Variants in CDIN1 observed in about 807,000 individuals in gnomAD.
CDIN1 encodes CDAN1 interacting nuclease 1, also known as CDAN1-interacting nuclease 1.
In CDIN1, 33 loss-of-function variants were observed where a neutral mutation model predicts 45.3. That is an observed-to-expected ratio of 0.73 (90% confidence interval 0.55 to 0.97). The LOEUF is 0.97. Ranked by LOEUF, CDIN1 falls within the 50% of genes least tolerant of loss-of-function variation. The pLI is 0.00. For missense variants in CDIN1, 303 were observed against 339.4 expected, an observed-to-expected ratio of 0.89 and a Z score of 0.84; for synonymous variants, 118 against 124.4, an observed-to-expected ratio of 0.95 and a Z score of 0.34.
intron 1 of CDIN1, among the ~76,000 whole-genome samples, chr15:36,600,981 A>T (rs191366724): frequency 7.8e-4 from 119 of 152,256 alleles, no homozygotes; most frequent in Non-Finnish European, 1.3e-4. Flanking sequence ...AGTGAGAGTA[A>T]ATTTGTTTCA....
chr15:36,669,554 A>C (rs138270031), intron 5 of CDIN1, among the ~76,000 whole-genome samples: 2 of 103,550 alleles, frequency 1.9e-5, no homozygotes, highest in Non-Finnish European at 4.2e-5. Context: ...ACTGTGATAC[A>C]TTTGTCAACA....
chr15:36,693,160 TTA>T (rs2042311358), intron 7 of CDIN1, among the ~76,000 whole-genome samples: 1 of 152,182 alleles, frequency 6.6e-6, no homozygotes, highest in Non-Finnish European at 1.5e-5. Context: ...TCACAAAGGC[TTA>T]GAGTCGTAAC....
chr15:36,626,244 G>A (rs1275659278), intron 1 of CDIN1, among the ~76,000 whole-genome samples: 1 of 151,258 alleles, frequency 6.6e-6, no homozygotes, highest in Non-Finnish European at 1.5e-5. Flanking sequence ...AATCAGGGAA[G>A]GCCTTATATA....
At chr15:36,659,966 CTT>C (rs778988517) in intron 5 of CDIN1, among the ~76,000 whole-genome samples, 1 of 105,150 alleles carries the variant, frequency 9.5e-6, no homozygotes, top group Non-Finnish European at 1.8e-5. Context: ...CCTTCCTTTT[CTT>C]TTTTTTTTTT....
intron 1 of CDIN1, among the ~76,000 whole-genome samples, chr15:36,609,454 T>C (rs2038542857): frequency 6.6e-6 from 1 of 152,142 alleles, no homozygotes; most frequent in Admixed American, 6.5e-5. Flanking sequence ...CAGGGATCTA[T>C]CAACTTAAAA....
chr15:36,676,615 A>T (rs188138400), intron 5 of CDIN1, among the ~76,000 whole-genome samples: 10 of 152,256 alleles, frequency 6.6e-5, no homozygotes, highest in African/African-American at 2.4e-4. Context: ...AGACTATAAG[A>T]CATTTGATCT....
chr15:36,767,015 C>T (rs2053943212), intron 10 of CDIN1, among the ~76,000 whole-genome samples: 3 of 152,022 alleles, frequency 2.0e-5, no homozygotes, highest in Non-Finnish European at 4.4e-5. Context: ...ATTGTCAAGA[C>T]CAAAGTCAGG....
intron 1 of CDIN1, among the ~76,000 whole-genome samples, chr15:36,640,316 T>G (rs2040057337): frequency 6.6e-6 from 1 of 152,140 alleles, no homozygotes; most frequent in African/African-American, 2.4e-5. Context: ...TGACCAGCAC[T>G]CTGAATCATT....
At chr15:36,691,877 G>A (rs2042264904) in intron 6 of CDIN1, 113 bp downstream of exon 6, 1 of 900,678 alleles carries the variant, frequency 1.1e-6, no homozygotes, top group Admixed American at 2.3e-5. Context: ...TGAGGTCAGG[G>A]TGCACCATAA....
intron 10 of CDIN1, among the ~76,000 whole-genome samples, chr15:36,715,996 C>T (rs1208484546): frequency 2.6e-5 from 4 of 152,116 alleles, no homozygotes; most frequent in Admixed American, 2.0e-4. Flanking sequence ...TTTAACAAAA[C>T]TGAGCAAAGT....
intron 10 of CDIN1, among the ~76,000 whole-genome samples, chr15:36,710,963 T>C (rs889182202): frequency 1.3e-5 from 2 of 152,200 alleles, no homozygotes; most frequent in African/African-American, 2.4e-5. Context: ...CATGACAAAA[T>C]GCTGAATGTA....
At position 36,657,788 on chromosome 15, in the gene CDIN1, T is replaced by C. The variant is rs867928419; in HGVS notation, c.274-45T>C. 12 of 1,489,190 alleles carry C rather than the reference T, an allele frequency of 8.1e-6. No homozygotes were observed. In the Middle Eastern group the frequency reaches 1.2e-3, roughly 148 times the overall value. 92.2% of individuals were successfully genotyped at this position (1,489,190 alleles called of 1,614,324 possible). ...GACAAAATACTGGAGTATCCACTGCTCGCACAACTTGATAGTTTTAATTTT... is the reference window on the plus strand; with the variant it reads ...GACAAAATACTGGAGTATCCACTGCCCGCACAACTTGATAGTTTTAATTTT... On this transcript the variant is annotated intron_variant, in intron 4 of 10. Transcript: ENST00000566621.
At chr15:36,785,729 C>A (rs1488393076) in intron 10 of CDIN1, among the ~76,000 whole-genome samples, 1 of 152,174 alleles carries the variant, frequency 6.6e-6, no homozygotes, top group Non-Finnish European at 1.5e-5. Context: ...AGTTCCAATA[C>A]TTTTTACAGA....
rs896423864 is a variant in CDIN1 at position 36,759,493 on chromosome 15, TA to T, written c.717-48821del. On this transcript the variant is annotated intron_variant, in intron 10 of 10. Coordinates refer to ENST00000566621, the MANE Select transcript of CDIN1 (RefSeq NM_001321759.2). Reference sequence around the variant, plus strand: ...TTGTGGAAGAAAGTCTTTTAATTTCTAAAAAAAAAACTCATTTAAAATAAAT... The same window carrying T: ...TTGTGGAAGAAAGTCTTTTAATTTCTAAAAAAAAACTCATTTAAAATAAAT... Among the ~76,000 whole-genome samples the T allele has an allele frequency of 1.7e-3, 259 of 149,006 alleles. 2 individuals carry two copies. The highest frequency in any genetic ancestry group is 5.9e-3 in the African/African-American group (240 of 40,690).
At chr15:36,785,592 AG>A (rs1487835072) in intron 10 of CDIN1, among the ~76,000 whole-genome samples, 1 of 152,184 alleles carries the variant, frequency 6.6e-6, no homozygotes, top group East Asian at 1.9e-4. Flanking sequence ...TCAGTGCCTG[AG>A]CGGCTGATTG....
At chr15:36,734,676 AT>A (rs1170852669) in intron 10 of CDIN1, among the ~76,000 whole-genome samples, 3 of 152,192 alleles carry the variant, frequency 2.0e-5, no homozygotes, top group Non-Finnish European at 4.4e-5. Context: ...CACCAAATAT[AT>A]TCATGTTTAA....
chr15:36,800,416 GATGTT>G (rs2141123851), intron 10 of CDIN1, among the ~76,000 whole-genome samples: 1 of 152,212 alleles, frequency 6.6e-6, no homozygotes, highest in South Asian at 2.1e-4. Flanking sequence ...AGAACTTTAT[GATGTT>G]ATATTACATG....
At chr15:36,805,842 T>G (rs1414322298) in intron 10 of CDIN1, among the ~76,000 whole-genome samples, 1 of 152,174 alleles carries the variant, frequency 6.6e-6, no homozygotes, top group Admixed American at 6.6e-5. Context: ...TGCCATTAAA[T>G]TTCCAAACTT....
intron 5 of CDIN1, chr15:36,691,020 G>T (rs1306960220): frequency 2.6e-6 from 1 of 391,482 alleles, no homozygotes; most frequent in Non-Finnish European, 4.9e-6. Context: ...TAATTTGCAA[G>T]TTGAGGCATA....
Sources: gnomAD v4.1 joint callset for allele counts (sites outside exome capture counted in the v4.1 genomes callset) on GRCh38, gnomAD v4.1.1 for gene constraint, MANE v1.5 for transcripts, NCBI Gene and HGNC (gene_info 2026-07-23, HGNC 2026-07-21) for gene names.